Variants in ZNF676 observed in about 807,000 individuals in gnomAD.
ZNF676 encodes zinc finger protein 676.
A neutral mutation model predicts 6.0 loss-of-function variants in ZNF676; 4 were observed. The ratio of observed to expected loss-of-function variants is 0.67; its 90% CI spans 0.33 to 1.53. The LOEUF is 1.53. Among genes scored for constraint, ZNF676 ranks in the 40% most tolerant of loss-of-function variants. ZNF676 has a pLI of 0.06. For missense variants in ZNF676, 644 were observed against 679.7 expected (o/e 0.95, Z 0.58); for synonymous variants, 198 against 223.1 (o/e 0.89, Z 1.00).
chr19:22,208,882 A>G (rs1245879018), intron 1 of ZNF676, among the ~76,000 whole-genome samples: 1 of 152,192 alleles, frequency 6.6e-6, no homozygotes, highest in African/African-American at 2.4e-5. Flanking sequence ...GGTGAGTTTC[A>G]GCGAGCCAAG....
At position 22,196,742 on chromosome 19, in the gene ZNF676, A is replaced by C; in HGVS notation, c.-109T>G. The C allele has an allele frequency of 2.0e-5, 31 of 1,588,120 alleles. No individual in the cohort carries two copies. The South Asian group carries it at 3.2e-4, about 16-fold the overall frequency. On this transcript the variant is annotated 5_prime_UTR_variant, in exon 1 of 3. Transcript: ENST00000397121. ...TCAATGCTCCCTGGAAAACACACAC[A>C]AACACATATATTTACCAATTGGTCA...
chr19:22,227,085 T>A, the ZNF676 span, among the ~76,000 whole-genome samples: 1 of 152,162 alleles, frequency 6.6e-6, no homozygotes, highest in Non-Finnish European at 1.5e-5. Context: ...ATCCCACTTA[T>A]TCTAAAATTG....
the ZNF676 span, among the ~76,000 whole-genome samples, chr19:22,246,497 C>T: frequency 2.0e-5 from 3 of 152,136 alleles, no homozygotes; most frequent in Non-Finnish European, 4.4e-5. Context: ...CCCAGTGCTC[C>T]TTGCAGGTAG....
At chr19:22,186,077 C>T (rs1480583800) in intron 2 of ZNF676, among the ~76,000 whole-genome samples, 5 of 152,024 alleles carry the variant, frequency 3.3e-5, no homozygotes, top group African/African-American at 9.7e-5. Flanking sequence ...GAGAGAGAAT[C>T]GTCAGATTCA....
chr19:22,208,762 G>A (rs1280482775), intron 1 of ZNF676, among the ~76,000 whole-genome samples: 2 of 152,006 alleles, frequency 1.3e-5, no homozygotes, highest in African/African-American at 4.8e-5. Flanking sequence ...TGGACAACAT[G>A]GCAAAATCCC....
the ZNF676 span, among the ~76,000 whole-genome samples, chr19:22,246,992 C>T: frequency 6.6e-6 from 1 of 152,218 alleles, no homozygotes; most frequent in African/African-American, 2.4e-5. Flanking sequence ...ACCCTGACTT[C>T]TTGGGGTCTG....
chr19:22,183,107 G>A (rs2023783926), intron 2 of ZNF676, among the ~76,000 whole-genome samples: 1 of 151,222 alleles, frequency 6.6e-6, no homozygotes, highest in Admixed American at 6.6e-5. Context: ...TAATCCCCAA[G>A]ATACCACACA....
chr19:22,183,510 G>C (rs1219830798), intron 2 of ZNF676, among the ~76,000 whole-genome samples: 1 of 151,696 alleles, frequency 6.6e-6, no homozygotes, highest in Admixed American at 6.6e-5. Context: ...GTTAATTTAT[G>C]TATTTTTAGT....
intron 1 of ZNF676, among the ~76,000 whole-genome samples, chr19:22,195,729 A>T (rs1195830627): frequency 6.6e-6 from 1 of 152,214 alleles, no homozygotes; most frequent in African/African-American, 2.4e-5. Context: ...CATTTAAATC[A>T]CACTCATATA....
chr19:22,203,407 G>A (rs2024045573), intron 1 of ZNF676: 1 of 152,902 alleles, frequency 6.5e-6, no homozygotes, highest in Non-Finnish European at 1.5e-5. Context: ...CTCTTATTCT[G>A]AGAAAGATTA....
intron 1 of ZNF676, among the ~76,000 whole-genome samples, chr19:22,205,990 T>C (rs1043950870): frequency 1.3e-5 from 2 of 151,462 alleles, no homozygotes; most frequent in African/African-American, 4.8e-5. Context: ...TACTGAAGTC[T>C]GCTATGCACA....
At chr19:22,216,805 C>T (rs2024196630), upstream of ZNF676, among the ~76,000 whole-genome samples, 1 of 151,332 alleles carries the variant, frequency 6.6e-6, no homozygotes, top group East Asian at 2.0e-4. Context: ...GCATGGTAGC[C>T]TCACCCTGTA....
chr19:22,194,937 T>A (rs924882429), intron 1 of ZNF676, among the ~76,000 whole-genome samples: 2 of 152,152 alleles, frequency 1.3e-5, no homozygotes, highest in African/African-American at 4.8e-5. Context: ...CCCACTGTCA[T>A]TTGGGGACCT....
upstream of ZNF676, among the ~76,000 whole-genome samples, chr19:22,199,224 A>AT (rs1364330422): frequency 1.3e-5 from 2 of 152,174 alleles, no homozygotes; most frequent in African/African-American, 4.8e-5. Flanking sequence ...GGTCACTTAA[A>AT]CAAGTGCGCT....
the ZNF676 span, among the ~76,000 whole-genome samples, chr19:22,234,503 T>C: frequency 1.3e-5 from 2 of 152,332 alleles, no homozygotes; most frequent in Admixed American, 6.5e-5. Context: ...CAGTTCATGA[T>C]AGGCAGTTCA....
the ZNF676 span, among the ~76,000 whole-genome samples, chr19:22,237,102 C>T: frequency 6.6e-6 from 1 of 152,334 alleles, no homozygotes; most frequent in East Asian, 1.9e-4. Flanking sequence ...ATCTTCTGGA[C>T]TTTCCATGCT....
the ZNF676 span, among the ~76,000 whole-genome samples, chr19:22,234,451 T>A: frequency 2.0e-5 from 3 of 152,200 alleles, no homozygotes; most frequent in Non-Finnish European, 4.4e-5. Flanking sequence ...GGAATGCTGT[T>A]GTGCATGACC....
intron 2 of ZNF676, 112 bp from the exon 3 acceptor site, chr19:22,181,698 A>G (rs1183016241): frequency 5.2e-6 from 4 of 773,528 alleles, no homozygotes; most frequent in Non-Finnish European, 7.8e-6. Flanking sequence ...CGACATTGCA[A>G]TATGACACAG....
At chr19:22,216,658 G>A (rs180741934), upstream of ZNF676, among the ~76,000 whole-genome samples, 76 of 148,774 alleles carry the variant, frequency 5.1e-4, no homozygotes, top group Admixed American at 5.4e-4. Context: ...TTTTTGAGAC[G>A]AGTCTTGCCA....
Sources: gnomAD v4.1 joint callset for allele counts (sites outside exome capture counted in the v4.1 genomes callset) on GRCh38, gnomAD v4.1.1 for gene constraint, MANE v1.5 for transcripts, NCBI Gene and HGNC (gene_info 2026-07-23, HGNC 2026-07-21) for gene names.